Variants in KCNA3 observed in about 807,000 individuals in gnomAD.
KCNA3 encodes RP11-284N8.3.
Under a neutral mutation model 34.3 loss-of-function variants are expected in KCNA3, and 18 were observed. The observed-to-expected ratio is 0.52, with a 90% CI of 0.36 to 0.78. The LOEUF is 0.78. KCNA3 is among the 30% of genes least tolerant of loss of function. The pLI is 0.00. For missense variants in KCNA3, 587 were observed against 802.5 expected (o/e 0.73, Z 3.24); for synonymous variants, 324 against 351.7 (o/e 0.92, Z 0.88).
In KCNA3 at chr1:110,673,188, G is replaced by A. The variant is rs1651949824; in HGVS notation, c.1622C>T (p.Ala541Val). 3 of 1,614,126 alleles carry A rather than the reference G, an allele frequency of 1.9e-6. No homozygotes were observed. Reference sequence around the variant, plus strand: ...CGTTTTGAAAGGGGTCTGGGGGAAAGCGCTATGGTTCATACCCCCCTCTTC... The same window carrying A: ...CGTTTTGAAAGGGGTCTGGGGGAAAACGCTATGGTTCATACCCCCCTCTTC... ...VIEEGGMNHS[A>V]FPQTPFKTGN... The change falls in exon 1 of 1, where the codon GCT (alanine) becomes GTT (valine). Residue 541 changes from alanine (A) to valine (V), a missense_variant. By Grantham distance (64) the Ala-to-Val change is moderately conservative. Transcript: ENST00000369769. The surrounding 1 kb of genome is among the most constrained non-coding windows in gnomAD (Gnocchi z 8.8).
the KCNA3 span, among the ~76,000 whole-genome samples, chr1:110,657,483 T>G: frequency 0.025 from 3,735 of 152,268 alleles, 159 homozygotes; most frequent in African/African-American, 0.084. Flanking sequence ...GTAACAGATT[T>G]ACCTAAGGTC....
chr1:110,671,475 C>T (rs1651888841), downstream of KCNA3, among the ~76,000 whole-genome samples: 1 of 152,216 alleles, frequency 6.6e-6, no homozygotes, highest in Non-Finnish European at 1.5e-5. Context: ...AGAGTGCTCA[C>T]CTGATTCTGT....
At chr1:110,667,628 G>T (rs1651730234), downstream of KCNA3, among the ~76,000 whole-genome samples, 1 of 152,094 alleles carries the variant, frequency 6.6e-6, no homozygotes, top group African/African-American at 2.4e-5. Context: ...AATGATGGAG[G>T]CTCTTTCCCA....
chr1:110,668,501 C>A (rs992010800), downstream of KCNA3, among the ~76,000 whole-genome samples: 6 of 151,952 alleles, frequency 3.9e-5, no homozygotes, highest in African/African-American at 1.5e-4. Flanking sequence ...AGGTAAATAA[C>A]AAGTTTTATG....
At chr1:110,664,103 C>T in the KCNA3 span, among the ~76,000 whole-genome samples, 1 of 152,142 alleles carries the variant, frequency 6.6e-6, no homozygotes, top group Non-Finnish European at 1.5e-5. Flanking sequence ...CAGGACTCAT[C>T]ATTAACTGAA....
rs145694745 is a variant in KCNA3 at position 110,673,739 on chromosome 1, G to A, written c.1071C>T (p.Ala357=). The A allele has an allele frequency of 8.1e-6, 13 of 1,614,082 alleles. No homozygotes were observed. In the African/African-American group the frequency reaches 1.6e-4, roughly 20 times the overall value. Residue 357 remains alanine (A), a synonymous_variant, in exon 1 of 1, where the codon GCC becomes GCT. Transcript: ENST00000369769. This position sits in a 1 kb window ranked among gnomAD's most constrained non-coding sequence, Gnocchi z 8.8. ...LAERQGNGQQ[A]MSLAILRVIR... ...TGACCCTCAGGATGGCCAGAGACAT[G>A]GCCTGCTGTCCATTGCCCTGTCGTT...
Position 110,672,890 on chromosome 1 carries a change from T to A in KCNA3, c.*192A>T. On this transcript the variant is annotated 3_prime_UTR_variant, in exon 1 of 1. Transcript: ENST00000369769. ...AGAGGGAAAAGGAGAGCTGAGAGAA[T>A]GCAGCCCACTTGCAAAACAGGCACC... The A allele has an allele frequency of 1.7e-6, 1 of 589,950 alleles. No individual in the cohort carries two copies. Among genetic ancestry groups the A allele is most frequent in the Non-Finnish European group, 3.0e-6 (1 of 335,994 alleles). The allele number at this position is 589,950 out of a possible 1,614,324, so 36.5% of individuals were successfully genotyped here. A position where few individuals can be genotyped will look rare whatever the true frequency, so the allele number is the denominator to read the frequency against.
downstream of KCNA3, among the ~76,000 whole-genome samples, chr1:110,671,557 C>T (rs1249692803): frequency 6.6e-6 from 1 of 152,178 alleles, no homozygotes; most frequent in East Asian, 1.9e-4. Flanking sequence ...TACTTCCTGT[C>T]CCTCCTTTTA....
chr1:110,667,795 A>T (rs535048523), downstream of KCNA3, among the ~76,000 whole-genome samples: 2 of 152,318 alleles, frequency 1.3e-5, no homozygotes, highest in South Asian at 4.1e-4. Context: ...CGACATCATT[A>T]AAAATCAAGA....
At chr1:110,668,672 T>G (rs1161578103), downstream of KCNA3, among the ~76,000 whole-genome samples, 8 of 152,146 alleles carry the variant, frequency 5.3e-5, no homozygotes, top group African/African-American at 1.9e-4. Flanking sequence ...TTTTAAAACA[T>G]CATAAAAGAA....
chr1:110,655,327 G>A, the KCNA3 span: 1 of 151,988 alleles, frequency 6.6e-6, no homozygotes, highest in Non-Finnish European at 1.5e-5. Context: ...CACTTTGACA[G>A]TTTAAAGTAA....
In KCNA3 at chr1:110,673,201, T is replaced by C. The variant is rs1444857621; in HGVS notation, c.1609A>G (p.Met537Val). The C allele has an allele frequency of 1.9e-6, 3 of 1,614,162 alleles. No homozygotes were observed. The highest frequency in any genetic ancestry group is 1.1e-5 in the South Asian group (1 of 91,078). Reference protein sequence around the residue: ...SEYMVIEEGGMNHSAFPQTPF... With the variant: ...SEYMVIEEGGVNHSAFPQTPF... ...GTCTGGGGGAAAGCGCTATGGTTCA[T>C]ACCCCCCTCTTCGATCACCATATAC... is the stretch of plus-strand genomic sequence containing the variant. Residue 537 changes from methionine (M) to valine (V), a missense_variant, in exon 1 of 1, where the codon ATG becomes GTG. By Grantham distance (21) the Met-to-Val change is conservative. This residue lies in a region of KCNA3 where 95 missense variants were observed against 107.3 expected (regional missense o/e 0.89). Transcript: ENST00000369769. The surrounding 1 kb of genome is among the most constrained non-coding windows in gnomAD (Gnocchi z 8.8).
In KCNA3 at chr1:110,674,398, T is replaced by C. The variant is rs1458890964; in HGVS notation, c.412A>G (p.Arg138Gly). 6.2e-7 allele frequency: 1 copy of C among 1,614,020 alleles called. No homozygotes were observed. Among genetic ancestry groups the C allele is most frequent in the Non-Finnish European group, 8.5e-7 (1 of 1,179,982 alleles). The change falls in exon 1 of 1, where the codon AGG (arginine) becomes GGG (glycine). Residue 138 changes from arginine (R) to glycine (G), a missense_variant. Coordinates refer to ENST00000369769, the MANE Select transcript of KCNA3 (RefSeq NM_002232.5). This position sits in a 1 kb window ranked among gnomAD's most constrained non-coding sequence, Gnocchi z 6.4. ...TLLGDPKRRMRYFDPLRNEYF... is the reference protein window; with the variant it reads ...TLLGDPKRRMGYFDPLRNEYF... The stretch of plus-strand genomic sequence containing the variant: ...TCGTTGCGGAGCGGGTCGAAGTACC[T>C]CATGCGCCGCTTGGGGTCGCCCAGC...
chr1:110,669,165 G>A (rs1051672251), downstream of KCNA3, among the ~76,000 whole-genome samples: 1 of 152,056 alleles, frequency 6.6e-6, no homozygotes, highest in Admixed American at 6.5e-5. Flanking sequence ...TCTTAATAAG[G>A]GAGAGTCAAA....
chr1:110,671,363 T>C (rs188268444), downstream of KCNA3, among the ~76,000 whole-genome samples: 78 of 152,358 alleles, frequency 5.1e-4, 1 homozygote, highest in South Asian at 8.9e-3. Flanking sequence ...ACCAAGCATG[T>C]AACTAAGATA....
At chr1:110,669,438 T>G (rs1427727306), downstream of KCNA3, among the ~76,000 whole-genome samples, 1 of 152,232 alleles carries the variant, frequency 6.6e-6, no homozygotes, top group African/African-American at 2.4e-5. Context: ...CTCTTCATCT[T>G]ATTTAAATAA....
chr1:110,667,801 C>A (rs1305237488), downstream of KCNA3, among the ~76,000 whole-genome samples: 2 of 152,100 alleles, frequency 1.3e-5, no homozygotes, highest in Admixed American at 1.3e-4. Flanking sequence ...CATTAAAAAT[C>A]AAGACAAACA....
Position 110,673,771 on chromosome 1 carries a change from G to C in KCNA3, c.1039C>G (p.Leu347Val). Residue 347 changes from leucine to valine, a missense_variant, in exon 1 of 1, where the codon CTG becomes GTG. Coordinates refer to ENST00000369769, the MANE Select transcript of KCNA3 (RefSeq NM_002232.5). The surrounding 1 kb of genome is among the most constrained non-coding windows in gnomAD (Gnocchi z 8.8). ...IPYFITLGTE[L>V]AERQGNGQQA... ...TGTCCATTGCCCTGTCGTTCGGCCA[G>C]CTCGGTACCCAGAGTGATAAAATAA... The C allele has an allele frequency of 1.2e-6, 2 of 1,614,192 alleles. No individual in the cohort carries two copies. The highest frequency in any genetic ancestry group is 2.2e-5 in the East Asian group (1 of 44,878).
At position 110,672,899 on chromosome 1, in the gene KCNA3, C is replaced by T; in HGVS notation, c.*183G>A. 2 of 611,280 alleles carry T rather than the reference C, an allele frequency of 3.3e-6. No homozygotes were observed. The highest frequency in any genetic ancestry group is 1.8e-5 in the African/African-American group (1 of 54,098). The allele number at this position is 611,280 out of a possible 1,614,324, so 37.9% of individuals were successfully genotyped here. On this transcript the variant is annotated 3_prime_UTR_variant, in exon 1 of 1. Coordinates refer to ENST00000369769, the MANE Select transcript of KCNA3 (RefSeq NM_002232.5). ...AGGAGAGCTGAGAGAATGCAGCCCA[C>T]TTGCAAAACAGGCACCTGTTTCAGT...
Sources: allele counts gnomAD v4.1 joint callset (sites outside exome capture counted in the v4.1 genomes callset), GRCh38; gene constraint gnomAD v4.1.1; regional missense constraint gnomAD v4.1.1; non-coding constraint Gnocchi (gnomAD v3.1); transcripts MANE v1.5; gene names NCBI Gene and HGNC (gene_info 2026-07-23, HGNC 2026-07-21).